GRIN2B: variants seen among roughly 807,000 people sequenced by gnomAD.
GRIN2B encodes glutamate ionotropic receptor NMDA type subunit 2B.
Under a neutral mutation model 114.5 loss-of-function variants are expected in GRIN2B, and 5 were observed. The ratio of observed to expected loss-of-function variants is 0.04; its 90% CI spans 0.02 to 0.09. The LOEUF is 0.09. Ranked by LOEUF, GRIN2B falls within the 10% of genes least tolerant of loss-of-function variation. The pLI is 1.00. For synonymous variants in GRIN2B, 787 were observed against 745.1 expected (o/e 1.06, Z -0.92); for missense variants, 1,108 against 1,943.5 (o/e 0.57, Z 8.08).
chr12:13,578,893 G>A (rs1165051366), intron 10 of GRIN2B, among the ~76,000 whole-genome samples: 1 of 152,156 alleles, frequency 6.6e-6, no homozygotes, highest in Non-Finnish European at 1.5e-5. Context: ...AGACAAGGGG[G>A]AAAATGTATC....
intron 4 of GRIN2B, among the ~76,000 whole-genome samples, chr12:13,730,802 T>A (rs1305472182): frequency 6.6e-6 from 1 of 152,214 alleles, no homozygotes; most frequent in Non-Finnish European, 1.5e-5. Context: ...CCCTGATTAA[T>A]GGTAGTTAAG....
intron 4 of GRIN2B, among the ~76,000 whole-genome samples, chr12:13,720,153 A>T (rs1049375113): frequency 6.6e-6 from 1 of 152,002 alleles, no homozygotes; most frequent in African/African-American, 2.4e-5. Context: ...CTAATTAAAA[A>T]ATAAGCTTCT....
At chr12:13,755,546 T>G (rs1863562020) in intron 3 of GRIN2B, among the ~76,000 whole-genome samples, 1 of 152,154 alleles carries the variant, frequency 6.6e-6, no homozygotes, top group South Asian at 2.1e-4. Flanking sequence ...ATCATGTAAT[T>G]CAGGAAAGCA....
chr12:13,912,388 G>A (rs1866639720), intron 2 of GRIN2B, among the ~76,000 whole-genome samples: 1 of 152,140 alleles, frequency 6.6e-6, no homozygotes, highest in African/African-American at 2.4e-5. Flanking sequence ...CTTTCCAAAG[G>A]TTTAGCATTT....
At chr12:13,784,479 C>T (rs1396463703) in intron 3 of GRIN2B, among the ~76,000 whole-genome samples, 4 of 152,012 alleles carry the variant, frequency 2.6e-5, no homozygotes, top group Non-Finnish European at 2.9e-5. Context: ...GATAGCTGTC[C>T]CACTAATGAT....
chr12:13,882,248 C>A (rs1012639457), intron 2 of GRIN2B, among the ~76,000 whole-genome samples: 1 of 152,176 alleles, frequency 6.6e-6, no homozygotes, highest in Admixed American at 6.6e-5. Context: ...ATCAGGAGAG[C>A]TTTCCCAAGA....
At position 13,551,108 on chromosome 12, in the gene GRIN2B, AT is replaced by A. The variant is rs1324250522; in HGVS notation, c.*11674del. On this transcript the variant is annotated 3_prime_UTR_variant, in exon 14 of 14. Transcript: ENST00000609686. ...CTTCCTGCCTATGTGAAACCTTGAT[AT>A]TTTTCTTGCTCCTGACCCTGGGAGA... 1 of 151,820 alleles carries A rather than the reference AT, an allele frequency of 6.6e-6. No homozygotes were observed. Among genetic ancestry groups the A allele is most frequent in the Non-Finnish European group, 1.5e-5 (1 of 67,942 alleles). The allele number at this position is 151,820 out of a possible 1,614,324, so 9.4% of individuals were successfully genotyped here. A position where few individuals can be genotyped will look rare whatever the true frequency, so the allele number is the denominator to read the frequency against.
At chr12:13,723,978 C>T (rs997389204) in intron 4 of GRIN2B, among the ~76,000 whole-genome samples, 2 of 151,964 alleles carry the variant, frequency 1.3e-5, no homozygotes, top group Non-Finnish European at 2.9e-5. Context: ...TAGGAAATTC[C>T]AATAGGAAAA....
chr12:13,981,159 C>G (rs1315568988), intron 1 of GRIN2B, among the ~76,000 whole-genome samples, 183 bp downstream of exon 1: 1 of 102,620 alleles, frequency 9.7e-6, no homozygotes, highest in African/African-American at 3.2e-5. Flanking sequence ...CCCCCTCCCC[C>G]ACAAAAAAAA....
At chr12:13,734,960 A>T (rs1298981460) in intron 4 of GRIN2B, among the ~76,000 whole-genome samples, 1 of 152,218 alleles carries the variant, frequency 6.6e-6, no homozygotes. Flanking sequence ...ATGTTGTGAG[A>T]TCACAAGCAG....
intron 4 of GRIN2B, among the ~76,000 whole-genome samples, chr12:13,725,015 G>T (rs1283216269): frequency 6.6e-6 from 1 of 152,146 alleles, no homozygotes; most frequent in East Asian, 1.9e-4. Context: ...TCAGATGTCA[G>T]TGAAAGGCAA....
chr12:13,808,093 T>C (rs1184899878), intron 3 of GRIN2B, among the ~76,000 whole-genome samples: 2 of 152,096 alleles, frequency 1.3e-5, no homozygotes, highest in South Asian at 2.1e-4. Flanking sequence ...ATTATGTTAG[T>C]GTCTAGACTG....
At chr12:13,897,742 C>T (rs1029610502) in intron 2 of GRIN2B, among the ~76,000 whole-genome samples, 1 of 151,846 alleles carries the variant, frequency 6.6e-6, no homozygotes, top group African/African-American at 2.4e-5. Context: ...TTAAAAATTA[C>T]ATCAATAAAG....
At chr12:13,705,878 G>C (rs1950355056) in intron 4 of GRIN2B, among the ~76,000 whole-genome samples, 1 of 152,124 alleles carries the variant, frequency 6.6e-6, no homozygotes, top group Non-Finnish European at 1.5e-5. Flanking sequence ...CGAGAGTTTG[G>C]CTTCACATTA....
intron 2 of GRIN2B, among the ~76,000 whole-genome samples, chr12:13,920,964 C>T (rs1040219876): frequency 5.3e-5 from 8 of 152,132 alleles, no homozygotes; most frequent in South Asian, 2.1e-4. Flanking sequence ...CCAATCCTAA[C>T]GGCACCAAGG....
rs554508823 is a variant in GRIN2B at position 13,955,869 on chromosome 12, T to C, written c.-19+24059A>G. ...ACGTGCAGTGTGAAGATCAAGAAGA[T>C]GCAGCCTGGCTCTCCAGGGGGCCCC... On this transcript the variant is annotated intron_variant, in intron 2 of 13. Coordinates refer to ENST00000609686, the MANE Select transcript of GRIN2B (RefSeq NM_000834.5). Among the ~76,000 whole-genome samples, 4 of 152,300 alleles carry C rather than the reference T, an allele frequency of 2.6e-5. No homozygotes were observed. In the South Asian group the frequency reaches 6.2e-4, roughly 24 times the overall value.
chr12:13,849,635 A>G (rs1036575695), intron 3 of GRIN2B, among the ~76,000 whole-genome samples: 2 of 152,142 alleles, frequency 1.3e-5, no homozygotes, highest in African/African-American at 4.8e-5. Flanking sequence ...AGAATTATTC[A>G]CAGGATCACA....
chr12:13,761,476 G>A (rs541075439), intron 3 of GRIN2B, among the ~76,000 whole-genome samples: 5 of 152,322 alleles, frequency 3.3e-5, no homozygotes, highest in African/African-American at 1.2e-4. Flanking sequence ...AGAAGGAACA[G>A]GTAGATTCCC....
At chr12:13,584,228 C>T (rs936226951) in intron 10 of GRIN2B, among the ~76,000 whole-genome samples, 1 of 152,172 alleles carries the variant, frequency 6.6e-6, no homozygotes, top group African/African-American at 2.4e-5. Context: ...CTCTTCTCTG[C>T]CCCAAAAGCC....
Sources: allele counts gnomAD v4.1 joint callset (sites outside exome capture counted in the v4.1 genomes callset), GRCh38; gene constraint gnomAD v4.1.1; transcripts MANE v1.5; gene names NCBI Gene and HGNC (gene_info 2026-07-23, HGNC 2026-07-21).